Variants in CADM2 observed in about 807,000 individuals in gnomAD.
CADM2 encodes the protein cell adhesion molecule 2.
CADM2 carries 12 observed loss-of-function variants against 49.8 expected under a neutral mutation model. That is an observed-to-expected ratio of 0.24 (90% CI 0.15 to 0.39). The LOEUF (loss-of-function observed/expected upper bound fraction) is 0.39, where lower values mean the gene tolerates loss of function less well. Ranked by LOEUF, CADM2 falls within the 10% of genes least tolerant of loss-of-function variation. The pLI is 1.00. For missense variants in CADM2, 378 were observed against 492.3 expected, an observed-to-expected ratio of 0.77 and a Z score of 2.20; for synonymous variants, 214 against 175.4, an observed-to-expected ratio of 1.22 and a Z score of -1.74.
intron 1 of CADM2, among the ~76,000 whole-genome samples, chr3:85,721,422 C>T (rs2067499044): frequency 6.6e-6 from 1 of 152,174 alleles, no homozygotes; most frequent in South Asian, 2.1e-4. Flanking sequence ...GCTCATTTCA[C>T]TCACTTGGCC....
intron 1 of CADM2, among the ~76,000 whole-genome samples, chr3:85,660,615 A>G (rs1354571326): frequency 6.6e-6 from 1 of 152,008 alleles, no homozygotes; most frequent in East Asian, 1.9e-4. Flanking sequence ...ATCTTGTTTG[A>G]TTAGTGTTTT....
intron 6 of CADM2, among the ~76,000 whole-genome samples, chr3:85,926,195 G>T (rs1430338848): frequency 6.6e-6 from 1 of 150,804 alleles, no homozygotes; most frequent in South Asian, 2.1e-4. Flanking sequence ...AGATAATAAA[G>T]TAAATGTAAA....
intron 8 of CADM2, among the ~76,000 whole-genome samples, chr3:86,049,683 C>A (rs1444137714): frequency 2.0e-5 from 3 of 152,078 alleles, no homozygotes; most frequent in Non-Finnish European, 4.4e-5. Flanking sequence ...AGAAGACTTA[C>A]AATCATAGCA....
chr3:85,349,978 T>C (rs955430401), intron 1 of CADM2, among the ~76,000 whole-genome samples: 1 of 151,758 alleles, frequency 6.6e-6, no homozygotes, highest in African/African-American at 2.4e-5. Flanking sequence ...CATTGAAGAG[T>C]AGGTGGGTGT....
intron 1 of CADM2, among the ~76,000 whole-genome samples, chr3:85,176,326 A>G (rs1559704260): frequency 6.6e-6 from 1 of 152,122 alleles, no homozygotes; most frequent in Non-Finnish European, 1.5e-5. Context: ...TTCTTTTGAT[A>G]TTTATGTTTT....
At chr3:86,014,097 G>A (rs1412864505) in intron 8 of CADM2, 1 of 1,288,264 alleles carries the variant, frequency 7.8e-7, no homozygotes, top group Non-Finnish European at 1.1e-6. Flanking sequence ...AGAACTGAAG[G>A]AAATCTGCCA....
chr3:85,341,194 G>C (rs1236084936), intron 1 of CADM2, among the ~76,000 whole-genome samples: 1 of 151,356 alleles, frequency 6.6e-6, no homozygotes, highest in Non-Finnish European at 1.5e-5. Flanking sequence ...TGTTTAATCT[G>C]ATAATTAAGA....
At chr3:85,425,695 A>G (rs2036368122) in intron 1 of CADM2, among the ~76,000 whole-genome samples, 1 of 152,158 alleles carries the variant, frequency 6.6e-6, no homozygotes, top group South Asian at 2.1e-4. Context: ...TGTTGGGTTG[A>G]TCAGATCCAA....
rs564964559 is a variant in CADM2 at position 85,519,782 on chromosome 3, G to A, written c.62-206740G>A. Among the ~76,000 whole-genome samples, 23 of 152,044 alleles carry A rather than the reference G, an allele frequency of 1.5e-4. No homozygotes were observed. The South Asian group carries it at 4.4e-3, about 29-fold the overall frequency. ...CCGCAGCTACATTGATTTTCTATTCGGAAGAAATAGTGAATACTTTGGCAA... is the reference window on the plus strand; with the variant it reads ...CCGCAGCTACATTGATTTTCTATTCAGAAGAAATAGTGAATACTTTGGCAA... On this transcript the variant is annotated intron_variant, in intron 1 of 9. Coordinates refer to ENST00000383699, the MANE Select transcript of CADM2 (RefSeq NM_001167675.2).
intron 1 of CADM2, among the ~76,000 whole-genome samples, chr3:85,448,847 G>C (rs2037601855): frequency 6.6e-6 from 1 of 151,720 alleles, no homozygotes; most frequent in African/African-American, 2.4e-5. Context: ...TCAGGAGATC[G>C]AGACCATCCT....
intron 1 of CADM2, among the ~76,000 whole-genome samples, chr3:85,635,901 T>A (rs528900599): frequency 6.6e-6 from 1 of 152,296 alleles, no homozygotes; most frequent in East Asian, 1.9e-4. Flanking sequence ...TGCTCCGTAG[T>A]GTTGCAGCCG....
chr3:84,987,491 T>C (rs2032642026), intron 1 of CADM2, among the ~76,000 whole-genome samples: 1 of 152,170 alleles, frequency 6.6e-6, no homozygotes, highest in Admixed American at 6.5e-5. Flanking sequence ...CTGAGTATAC[T>C]TGAACATAGT....
chr3:85,341,965 G>A lies in CADM2; in HGVS notation c.61+382297G>A, dbSNP rs187258757. On this transcript the variant is annotated intron_variant, in intron 1 of 9. Transcript: ENST00000383699. ...GACATTGCATGGGCAAAGACTTCAT[G>A]TCTAAAGCACCAAAAGCAATGGCAA... Among the ~76,000 whole-genome samples the A allele has an allele frequency of 2.0e-5, 3 of 152,248 alleles. No individual in the cohort carries two copies. In the East Asian group the frequency reaches 5.8e-4, roughly 30 times the overall value.
intron 1 of CADM2, among the ~76,000 whole-genome samples, chr3:85,605,397 A>T (rs1477859977): frequency 1.3e-5 from 2 of 152,040 alleles, no homozygotes; most frequent in Non-Finnish European, 2.9e-5. Flanking sequence ...TGCCATTAAG[A>T]ACTTGGGTCA....
intron 1 of CADM2, among the ~76,000 whole-genome samples, chr3:85,151,907 A>G (rs1252241129): frequency 6.6e-6 from 1 of 152,218 alleles, no homozygotes; most frequent in Non-Finnish European, 1.5e-5. Flanking sequence ...CCTTATTAAT[A>G]TTATGATCAA....
At chr3:85,577,230 AC>A (rs2062656040) in intron 1 of CADM2, among the ~76,000 whole-genome samples, 1 of 152,144 alleles carries the variant, frequency 6.6e-6, no homozygotes, top group Non-Finnish European at 1.5e-5. Flanking sequence ...TATGATTTGA[AC>A]GTGTCCCCCG....
At chr3:85,619,431 T>A (rs796187525) in intron 1 of CADM2, among the ~76,000 whole-genome samples, 3 of 152,256 alleles carry the variant, frequency 2.0e-5, no homozygotes, top group African/African-American at 7.2e-5. Context: ...TCAACTGTAG[T>A]GTCATCCTCA....
At chr3:85,537,509 TGTGTGTGC>T (rs2061449457) in intron 1 of CADM2, among the ~76,000 whole-genome samples, 8 of 151,814 alleles carry the variant, frequency 5.3e-5, no homozygotes, top group Non-Finnish European at 1.2e-4. Flanking sequence ...TGTGTGTGTG[TGTGTGTGC>T]GTGTGCAAGA....
chr3:85,812,843 T>C (rs2072965581), intron 3 of CADM2, among the ~76,000 whole-genome samples: 1 of 152,158 alleles, frequency 6.6e-6, no homozygotes, highest in African/African-American at 2.4e-5. Flanking sequence ...AATGATGGTT[T>C]CCAGTTTCAT....
Sources: gnomAD v4.1 joint callset for allele counts (sites outside exome capture counted in the v4.1 genomes callset) on GRCh38, gnomAD v4.1.1 for gene constraint, MANE v1.5 for transcripts, NCBI Gene and HGNC (gene_info 2026-07-23, HGNC 2026-07-21) for gene names.